Variants in GRID1 observed in about 807,000 individuals in gnomAD.
GRID1 encodes the protein glutamate ionotropic receptor delta type subunit 1.
GRID1 carries 28 observed loss-of-function variants against 98.0 expected under a neutral mutation model. That is an observed-to-expected ratio of 0.29 (90% confidence interval 0.21 to 0.39). The LOEUF (loss-of-function observed/expected upper bound fraction) is 0.39, where lower values mean the gene tolerates loss of function less well. GRID1 is among the 10% of genes least tolerant of loss of function. The pLI, the probability that GRID1 is intolerant of heterozygous loss-of-function variation, is 1.00. For missense variants in GRID1, 1,111 were observed against 1,340.5 expected (o/e 0.83, Z 2.67); for synonymous variants, 553 against 538.5 (o/e 1.03, Z -0.37).
intron 11 of GRID1, among the ~76,000 whole-genome samples, chr10:85,723,699 G>C (rs1841729089): frequency 6.6e-6 from 1 of 152,152 alleles, no homozygotes; most frequent in Non-Finnish European, 1.5e-5. Flanking sequence ...GAGACTTTTA[G>C]TTAGAAGTTT....
intron 3 of GRID1, among the ~76,000 whole-genome samples, chr10:86,152,725 G>T (rs1845187125): frequency 1.3e-5 from 2 of 152,184 alleles, no homozygotes; most frequent in African/African-American, 4.8e-5. Context: ...ACTGTGAGGG[G>T]CACACAGAAG....
intron 4 of GRID1, among the ~76,000 whole-genome samples, chr10:86,040,267 C>T (rs1843327373): frequency 6.6e-6 from 1 of 152,090 alleles, no homozygotes; most frequent in Non-Finnish European, 1.5e-5. Flanking sequence ...GAAATAAAAT[C>T]AGTATGTTGA....
At chr10:85,783,522 T>C (rs563401739) in intron 8 of GRID1, among the ~76,000 whole-genome samples, 19 of 152,180 alleles carry the variant, frequency 1.2e-4, no homozygotes, top group Admixed American at 6.5e-4. Flanking sequence ...AGAAACCCAC[T>C]GAATATAGCT....
intron 8 of GRID1, among the ~76,000 whole-genome samples, chr10:85,750,294 C>T (rs1381847471): frequency 1.3e-5 from 2 of 152,142 alleles, no homozygotes; most frequent in Admixed American, 6.5e-5. Flanking sequence ...CTCAAAAGCA[C>T]ACAACTCTTC....
At chr10:85,669,563 C>T (rs182314404) in intron 12 of GRID1, among the ~76,000 whole-genome samples, 66 of 152,270 alleles carry the variant, frequency 4.3e-4, no homozygotes, top group Admixed American at 2.5e-3. Flanking sequence ...ACCCTGGCTC[C>T]GGACCCATTT....
At chr10:85,658,726 G>C (rs796797928) in intron 12 of GRID1, among the ~76,000 whole-genome samples, 15 of 152,076 alleles carry the variant, frequency 9.9e-5, no homozygotes, top group African/African-American at 3.6e-4. Context: ...AGGGTTCATG[G>C]GAAGGGTGAG....
chr10:85,773,273 AC>A (rs1337072961), intron 8 of GRID1, among the ~76,000 whole-genome samples: 6 of 152,104 alleles, frequency 3.9e-5, no homozygotes, highest in East Asian at 3.9e-4. Flanking sequence ...AAATTCAACA[AC>A]CCTTCATGCT....
At chr10:85,914,801 T>C (rs1463276026) in intron 5 of GRID1, among the ~76,000 whole-genome samples, 3 of 152,218 alleles carry the variant, frequency 2.0e-5, no homozygotes, top group Non-Finnish European at 2.9e-5. Context: ...ATGAAGCCAT[T>C]AGAAATTGAT....
chr10:85,778,878 T>G (rs781594367), intron 8 of GRID1, among the ~76,000 whole-genome samples: 11 of 152,154 alleles, frequency 7.2e-5, no homozygotes, highest in Non-Finnish European at 1.2e-4. Flanking sequence ...CCAATATCAG[T>G]GCTTAATCAT....
At chr10:86,151,665 C>G (rs890077392) in intron 3 of GRID1, among the ~76,000 whole-genome samples, 1 of 152,212 alleles carries the variant, frequency 6.6e-6, no homozygotes, top group Non-Finnish European at 1.5e-5. Context: ...GCCCATTCTA[C>G]TAGAAAGAGC....
intron 4 of GRID1, among the ~76,000 whole-genome samples, chr10:86,055,014 C>A (rs989474595): frequency 1.3e-5 from 2 of 152,200 alleles, no homozygotes; most frequent in Non-Finnish European, 2.9e-5. Flanking sequence ...TGAGCCTGGG[C>A]TAGCCTGCTG....
intron 2 of GRID1, among the ~76,000 whole-genome samples, chr10:86,297,140 T>C (rs866733040): frequency 2.0e-5 from 3 of 152,158 alleles, no homozygotes; most frequent in Non-Finnish European, 4.4e-5. Context: ...CAAGGAATTA[T>C]ATAAAGTTAT....
At chr10:85,609,385 C>T (rs918800635) in intron 15 of GRID1, among the ~76,000 whole-genome samples, 1 of 152,244 alleles carries the variant, frequency 6.6e-6, no homozygotes, top group Admixed American at 6.5e-5. Flanking sequence ...GGGCCAGGCA[C>T]ATCTTTAATT....
chr10:85,840,808 A>G (rs1357918875), intron 8 of GRID1, among the ~76,000 whole-genome samples: 3 of 152,222 alleles, frequency 2.0e-5, no homozygotes, highest in Admixed American at 6.5e-5. Context: ...TACAAAGAGA[A>G]CTACAAAACA....
chr10:86,003,334 C>T (rs1265354502), intron 4 of GRID1, among the ~76,000 whole-genome samples: 1 of 152,192 alleles, frequency 6.6e-6, no homozygotes, highest in Non-Finnish European at 1.5e-5. Flanking sequence ...GATGGGAGAG[C>T]CCATGAGGCA....
intron 8 of GRID1, among the ~76,000 whole-genome samples, chr10:85,825,992 C>T (rs1479753230): frequency 6.6e-6 from 1 of 151,566 alleles, no homozygotes; most frequent in Non-Finnish European, 1.5e-5. Flanking sequence ...TAACCATAAA[C>T]CCAAATAAAT....
intron 8 of GRID1, among the ~76,000 whole-genome samples, chr10:85,804,742 T>C (rs1842607101): frequency 6.6e-6 from 1 of 151,774 alleles, no homozygotes; most frequent in Admixed American, 6.6e-5. Context: ...ACCATAACAA[T>C]CACAGTAAAA....
intron 4 of GRID1, among the ~76,000 whole-genome samples, chr10:85,931,940 T>C (rs148158994): frequency 1.6e-3 from 247 of 152,300 alleles, no homozygotes; most frequent in African/African-American, 5.7e-3. Context: ...AAGACTCCTA[T>C]TATATCCTGC....
chr10:85,798,337 T>C (rs967076592), intron 8 of GRID1, among the ~76,000 whole-genome samples: 3 of 152,192 alleles, frequency 2.0e-5, no homozygotes, highest in Non-Finnish European at 4.4e-5. Context: ...ACTAAGTCAC[T>C]ATCAGACAAT....
Sources: allele counts gnomAD v4.1 joint callset (sites outside exome capture counted in the v4.1 genomes callset), GRCh38; gene constraint gnomAD v4.1.1; transcripts MANE v1.5; gene names NCBI Gene and HGNC (gene_info 2026-07-23, HGNC 2026-07-21).